PHF2: variants seen among roughly 807,000 people sequenced by gnomAD.
PHF2 encodes PHD finger protein 2, also known as lysine-specific demethylase PHF2.
PHF2 carries 27 observed loss-of-function variants against 120.5 expected under a neutral mutation model. The observed-to-expected ratio is 0.22, with a 90% confidence interval of 0.17 to 0.31. The LOEUF (loss-of-function observed/expected upper bound fraction) is 0.31. Ranked by LOEUF, PHF2 falls within the 10% of genes least tolerant of loss-of-function variation. PHF2 has a pLI of 1.00. For missense variants in PHF2, 1,024 were observed against 1,434.8 expected (o/e 0.71, Z 4.63); for synonymous variants, 568 against 592.5 (o/e 0.96, Z 0.60).
In PHF2 at chr9:93,593,104, A is replaced by AAAAAAAG. The variant is rs1825262797; in HGVS notation, c.98+16239_98+16240insGAAAAAA. Reference sequence around the variant, plus strand: ...TATGCCAAAAAAAAAAAAAAAAAAAAAAAAAAAGAAAAAAAAAGGACTAAG... The same window carrying AAAAAAAG: ...TATGCCAAAAAAAAAAAAAAAAAAAAAAAAAAGAAAAAAAGAAAAAAAAAGGACTAAG... On this transcript the variant is annotated intron_variant, in intron 1 of 21. Coordinates refer to ENST00000359246, the MANE Select transcript of PHF2 (RefSeq NM_005392.4). Among the ~76,000 whole-genome samples the AAAAAAAG allele has an allele frequency of 1.6e-4, 3 of 18,960 alleles. 1 individual carries two copies. The highest frequency in any genetic ancestry group is 2.7e-4 in the Non-Finnish European group (2 of 7,334). 12.4% of individuals were successfully genotyped at this position (18,960 alleles called of 152,430 possible).
intron 3 of PHF2, among the ~76,000 whole-genome samples, chr9:93,645,156 G>A (rs1256263676): frequency 6.6e-6 from 1 of 152,224 alleles, no homozygotes; most frequent in African/African-American, 2.4e-5. Context: ...CAATATCAGA[G>A]CCATCTTAGT....
At chr9:93,664,869 C>T (rs1489692966) in intron 14 of PHF2, among the ~76,000 whole-genome samples, 1 of 152,246 alleles carries the variant, frequency 6.6e-6, no homozygotes, top group African/African-American at 2.4e-5. Context: ...AGGCAGCGGG[C>T]TCGCCGCCCC....
intron 1 of PHF2, among the ~76,000 whole-genome samples, chr9:93,628,384 G>A (rs938205894): frequency 2.6e-5 from 4 of 152,088 alleles, no homozygotes; most frequent in African/African-American, 9.7e-5. Context: ...GAGGTTTTTT[G>A]ATTACTGATT....
chr9:93,666,988 C>A, intron 16 of PHF2, 92 bp from the exon 17 acceptor site: 1 of 918,274 alleles, frequency 1.1e-6, no homozygotes, highest in Non-Finnish European at 1.6e-6. Context: ...CTAGTTTAGT[C>A]CCTGAAGGGA....
rs962882973 is a variant in PHF2, at chr9:93,679,097, G to A, written c.*1421G>A. ...TACTAGCACCTTGTGAAGTGTTTCC[G>A]TGTTTTGTGATGCTGTAATTTATTA... On this transcript the variant is annotated 3_prime_UTR_variant, in exon 22 of 22. Coordinates refer to ENST00000359246, the MANE Select transcript of PHF2 (RefSeq NM_005392.4). 10 of 379,354 alleles carry A rather than the reference G, an allele frequency of 2.6e-5. No homozygotes were observed. The highest frequency in any genetic ancestry group is 7.2e-5 in the Admixed American group (2 of 27,636). 23.5% of individuals were successfully genotyped at this position (379,354 alleles called of 1,614,324 possible).
intron 17 of PHF2, among the ~76,000 whole-genome samples, chr9:93,670,166 G>T (rs1445684716): frequency 6.6e-6 from 1 of 152,214 alleles, no homozygotes; most frequent in Non-Finnish European, 1.5e-5. Context: ...GTCCTGAAGG[G>T]GCAGGTCCAG....
At chr9:93,604,327 G>A (rs1825498488) in intron 1 of PHF2, among the ~76,000 whole-genome samples, 1 of 151,398 alleles carries the variant, frequency 6.6e-6, no homozygotes, top group South Asian at 2.1e-4. Flanking sequence ...GTTAAATTTA[G>A]CGAGACTTCT....
At chr9:93,610,124 G>T (rs1394800194) in intron 1 of PHF2, among the ~76,000 whole-genome samples, 10 of 151,866 alleles carry the variant, frequency 6.6e-5, no homozygotes, top group African/African-American at 2.2e-4. Context: ...GAGCTTCCTG[G>T]ATCTGTGGTT....
intron 4 of PHF2, among the ~76,000 whole-genome samples, chr9:93,646,952 T>A (rs1347498700): frequency 6.6e-6 from 1 of 152,202 alleles, no homozygotes; most frequent in Non-Finnish European, 1.5e-5. Context: ...TGGACATAGT[T>A]GGAGCTGTGG....
intron 7 of PHF2, among the ~76,000 whole-genome samples, chr9:93,654,986 G>A (rs1826433199): frequency 6.6e-6 from 1 of 152,244 alleles, no homozygotes; most frequent in African/African-American, 2.4e-5. Context: ...CAGCGAGGGA[G>A]GAGGGCGCTA....
chr9:93,663,797 A>G (rs1247013861), intron 14 of PHF2, among the ~76,000 whole-genome samples, 162 bp downstream of exon 14: 2 of 151,556 alleles, frequency 1.3e-5, no homozygotes, highest in East Asian at 1.9e-4. Context: ...ATCACACACA[A>G]CCATACACAC....
Position 93,660,258 on chromosome 9 carries a change from G to A in PHF2, c.1396G>A (p.Asp466Asn). The A allele has an allele frequency of 6.2e-7, 1 of 1,608,714 alleles. No homozygotes were observed. Among genetic ancestry groups the A allele is most frequent in the Non-Finnish European group, 8.5e-7 (1 of 1,178,388 alleles). Reference protein sequence around the residue: ...VASSDEVCDGDREKEEPPSPI... With the variant: ...VASSDEVCDGNREKEEPPSPI... ...CTCGTCAGATGAGGTGTGTGACGGG[G>A]ACCGGGAGAAGGAGGAGCCCCCGTC... Residue 466 changes from aspartate to asparagine, a missense_variant, in exon 12 of 22, where the codon GAC (aspartate) becomes AAC (asparagine). By Grantham distance (23) the Asp-to-Asn change is conservative. This residue lies in a region of PHF2 where 677 missense variants were observed against 857.4 expected (regional missense o/e 0.79). Coordinates refer to ENST00000359246, the MANE Select transcript of PHF2 (RefSeq NM_005392.4).
chr9:93,630,551 TGGA>T (rs1201584755), intron 2 of PHF2, among the ~76,000 whole-genome samples: 3 of 152,202 alleles, frequency 2.0e-5, no homozygotes, highest in African/African-American at 7.2e-5. Flanking sequence ...CAGAGAATCT[TGGA>T]GGGCCCTTGC....
intron 1 of PHF2, among the ~76,000 whole-genome samples, chr9:93,600,016 C>CA (rs1287942507): frequency 6.6e-6 from 1 of 152,198 alleles, no homozygotes; most frequent in Non-Finnish European, 1.5e-5. Context: ...CAGCTCCATG[C>CA]AGCCTGCGTG....
chr9:93,642,481 G>C (rs892731868), intron 3 of PHF2, among the ~76,000 whole-genome samples: 3 of 152,210 alleles, frequency 2.0e-5, no homozygotes, highest in Admixed American at 2.0e-4. Flanking sequence ...GACAATGACT[G>C]TCTTTATTCT....
intron 1 of PHF2, among the ~76,000 whole-genome samples, chr9:93,582,991 A>G (rs943471078): frequency 2.0e-5 from 3 of 152,144 alleles, no homozygotes; most frequent in South Asian, 2.1e-4. Flanking sequence ...AGCAACCACC[A>G]CCTTTATCTA....
intron 1 of PHF2, among the ~76,000 whole-genome samples, chr9:93,607,397 G>A (rs1333665554): frequency 4.7e-5 from 7 of 150,002 alleles, no homozygotes; most frequent in South Asian, 2.1e-4. Context: ...TCAGCCTCCC[G>A]AGTAGCTGGG....
intron 1 of PHF2, among the ~76,000 whole-genome samples, chr9:93,605,583 C>A (rs1201224994): frequency 2.0e-5 from 3 of 152,214 alleles, no homozygotes; most frequent in African/African-American, 7.2e-5. Context: ...TGCAGAATGT[C>A]ATGTAGTAGA....
At chr9:93,671,550 G>T (rs1826792300) in intron 17 of PHF2, among the ~76,000 whole-genome samples, 1 of 134,934 alleles carries the variant, frequency 7.4e-6, no homozygotes, top group Non-Finnish European at 1.6e-5. Context: ...GCAGATGTGG[G>T]TGTGGGAGTA....
Sources: gnomAD v4.1 joint callset for allele counts (sites outside exome capture counted in the v4.1 genomes callset) on GRCh38, gnomAD v4.1.1 for gene constraint, gnomAD v4.1.1 regional missense constraint, MANE v1.5 for transcripts, NCBI Gene and HGNC (gene_info 2026-07-23, HGNC 2026-07-21) for gene names.